The following RALYL variants were observed in gnomAD, a reference collection of about 807,000 sequenced individuals.
RALYL encodes the protein RNA-binding Raly-like protein.
RALYL carries 29 observed loss-of-function variants against 35.1 expected under a neutral mutation model. The observed-to-expected ratio is 0.83, with a 90% confidence interval of 0.61 to 1.13. The LOEUF is 1.13. RALYL is among the 50% of genes most tolerant of loss of function. The probability of loss-of-function intolerance (pLI) is 0.00; values close to 1 mark genes in which losing one functional copy is unlikely to be tolerated. For synonymous variants in RALYL, 120 were observed against 127.6 expected (o/e 0.94, Z 0.40); for missense variants, 359 against 360.4 (o/e 1.00, Z 0.03).
intron 1 of RALYL, among the ~76,000 whole-genome samples, chr8:84,257,720 G>A (rs1204174834): frequency 2.0e-5 from 3 of 152,078 alleles, no homozygotes; most frequent in Non-Finnish European, 4.4e-5. Flanking sequence ...TTTTCTCTGT[G>A]TGATTGCATA....
chr8:84,283,306 G>T (rs1486119786), intron 1 of RALYL, among the ~76,000 whole-genome samples: 6 of 152,040 alleles, frequency 3.9e-5, no homozygotes, highest in East Asian at 1.9e-4. Flanking sequence ...AAGTCATTGT[G>T]GGCAAAAATC....
chr8:84,710,619 A>AT (rs1438938446), intron 2 of RALYL, among the ~76,000 whole-genome samples: 30 of 151,934 alleles, frequency 2.0e-4, no homozygotes, highest in African/African-American at 7.2e-4. Flanking sequence ...ATATATTGTA[A>AT]TTTTTCTTAA....
chr8:84,190,661 G>T (rs1337403307), intron 1 of RALYL, among the ~76,000 whole-genome samples: 1 of 152,170 alleles, frequency 6.6e-6, no homozygotes, highest in Non-Finnish European at 1.5e-5. Context: ...AGCCTTATTT[G>T]GTTGGAGGTG....
chr8:84,475,721 CT>C (rs1414676438), intron 1 of RALYL, among the ~76,000 whole-genome samples: 3 of 152,094 alleles, frequency 2.0e-5, no homozygotes, highest in African/African-American at 7.2e-5. Flanking sequence ...AATCTTGTGG[CT>C]AAGAAGTTAT....
At chr8:84,650,878 A>G (rs1828643372) in intron 2 of RALYL, among the ~76,000 whole-genome samples, 1 of 152,108 alleles carries the variant, frequency 6.6e-6, no homozygotes, top group Non-Finnish European at 1.5e-5. Flanking sequence ...TACACCATGG[A>G]ATACTATGCA....
intron 1 of RALYL, among the ~76,000 whole-genome samples, chr8:84,297,952 A>G (rs1208788803): frequency 6.6e-6 from 1 of 152,048 alleles, no homozygotes; most frequent in Non-Finnish European, 1.5e-5. Flanking sequence ...TCAGATGCCT[A>G]GTTTGCAAAT....
chr8:84,416,071 C>T (rs2044667988), intron 1 of RALYL, among the ~76,000 whole-genome samples: 1 of 152,200 alleles, frequency 6.6e-6, no homozygotes, highest in African/African-American at 2.4e-5. Context: ...GTTTATGTGG[C>T]ATTTTGAGAT....
At chr8:84,327,360 A>G (rs1238265603) in intron 1 of RALYL, among the ~76,000 whole-genome samples, 1 of 152,160 alleles carries the variant, frequency 6.6e-6, no homozygotes, top group Non-Finnish European at 1.5e-5. Context: ...AACAGGCACA[A>G]TTCCACAGTG....
At chr8:84,345,255 A>T (rs1324756352) in intron 1 of RALYL, among the ~76,000 whole-genome samples, 3 of 152,006 alleles carry the variant, frequency 2.0e-5, no homozygotes, top group Non-Finnish European at 4.4e-5. Flanking sequence ...GGCCTCAGAA[A>T]GTCACCAACT....
At chr8:84,458,178 C>T (rs190463146) in intron 1 of RALYL, among the ~76,000 whole-genome samples, 2 of 151,818 alleles carry the variant, frequency 1.3e-5, no homozygotes, top group Non-Finnish European at 2.9e-5. Flanking sequence ...TCAACTTCAT[C>T]TGTACTTTGC....
intron 1 of RALYL, among the ~76,000 whole-genome samples, chr8:84,490,121 T>TG (rs2055115753): frequency 1.2e-5 from 1 of 82,604 alleles, no homozygotes; most frequent in African/African-American, 3.9e-5. Context: ...GTGTGTGTGT[T>TG]GAGTGGGGAG....
chr8:84,695,314 A>G (rs1838911957), intron 2 of RALYL, among the ~76,000 whole-genome samples: 1 of 151,728 alleles, frequency 6.6e-6, no homozygotes, highest in Non-Finnish European at 1.5e-5. Flanking sequence ...GACATAAGTA[A>G]TTTATTCTGC....
chr8:84,641,955 T>A (rs1051356139), intron 2 of RALYL, among the ~76,000 whole-genome samples: 2 of 152,000 alleles, frequency 1.3e-5, no homozygotes, highest in Non-Finnish European at 2.9e-5. Flanking sequence ...AGGCATTTTT[T>A]AAAATTTTAT....
At chr8:84,791,285 T>C (rs1820724624) in intron 3 of RALYL, among the ~76,000 whole-genome samples, 1 of 152,106 alleles carries the variant, frequency 6.6e-6, no homozygotes, top group Admixed American at 6.6e-5. Flanking sequence ...AGGGGAACTT[T>C]GCTAGCAAAG....
chr8:84,849,922 T>C (rs1296378902), intron 4 of RALYL, 58 bp from the exon 5 acceptor site: 1 of 889,450 alleles, frequency 1.1e-6, no homozygotes, highest in African/African-American at 1.8e-5. Flanking sequence ...CATAAGTTAA[T>C]AATAAAATTA....
chr8:84,196,927 T>C (rs1277223359), intron 1 of RALYL, among the ~76,000 whole-genome samples: 1 of 152,182 alleles, frequency 6.6e-6, no homozygotes, highest in Non-Finnish European at 1.5e-5. Flanking sequence ...TTTACTAAAT[T>C]TGCTCTTTCA....
At chr8:84,502,078 G>A (rs1018959749) in intron 1 of RALYL, among the ~76,000 whole-genome samples, 28 of 151,526 alleles carry the variant, frequency 1.8e-4, no homozygotes, top group Non-Finnish European at 3.7e-4. Context: ...TGACAATTTG[G>A]CAAATGACAA....
chr8:84,316,687 A>G (rs1843819276), intron 1 of RALYL, among the ~76,000 whole-genome samples: 1 of 152,186 alleles, frequency 6.6e-6, no homozygotes, highest in Non-Finnish European at 1.5e-5. Flanking sequence ...TTCAATGTTT[A>G]AACTTAGCAC....
chr8:84,584,182 A>T (rs1390586474), intron 2 of RALYL, among the ~76,000 whole-genome samples: 1 of 152,186 alleles, frequency 6.6e-6, no homozygotes, highest in Non-Finnish European at 1.5e-5. Context: ...GTGCTATCAA[A>T]TACTAGTGGA....
Sources: gnomAD v4.1 joint callset for allele counts (sites outside exome capture counted in the v4.1 genomes callset) on GRCh38, gnomAD v4.1.1 for gene constraint, MANE v1.5 for transcripts, NCBI Gene and HGNC (gene_info 2026-07-23, HGNC 2026-07-21) for gene names.